CHL1: variants seen among roughly 807,000 people sequenced by gnomAD.
CHL1 encodes the protein neural cell adhesion molecule L1-like protein.
A neutral mutation model predicts 141.9 loss-of-function variants in CHL1; 96 were observed. That is an observed-to-expected ratio of 0.68 (90% CI 0.57 to 0.80). CHL1 has a LOEUF of 0.80. Among genes scored for constraint, CHL1 ranks in the 30% least tolerant of loss-of-function variants. The pLI, the probability that CHL1 is intolerant of heterozygous loss-of-function variation, is 0.00. For synonymous variants in CHL1, 613 were observed against 502.2 expected (o/e 1.22, Z -2.95); for missense variants, 1,820 against 1,457.2 (o/e 1.25, Z -4.05).
At chr3:362,395 A>G (rs1430688575) in intron 13 of CHL1, among the ~76,000 whole-genome samples, 1 of 152,156 alleles carries the variant, frequency 6.6e-6, no homozygotes, top group Non-Finnish European at 1.5e-5. Flanking sequence ...TCATAAATTT[A>G]TAGGGTCAGA....
intron 14 of CHL1, among the ~76,000 whole-genome samples, chr3:364,833 G>T (rs931176439): frequency 6.6e-6 from 1 of 151,932 alleles, no homozygotes; most frequent in Non-Finnish European, 1.5e-5. Context: ...CTGTAAGGTG[G>T]GAGTATTAAT....
At chr3:269,386 G>C (rs954480857) in intron 2 of CHL1, among the ~76,000 whole-genome samples, 1 of 152,142 alleles carries the variant, frequency 6.6e-6, no homozygotes, top group Admixed American at 6.5e-5. Flanking sequence ...ATGAACTTCC[G>C]AATCTGTTTC....
At chr3:234,193 G>GTATATATGTGTGTATA (rs1559310404) in intron 1 of CHL1, among the ~76,000 whole-genome samples, 1 of 144,212 alleles carries the variant, frequency 6.9e-6, no homozygotes, top group Non-Finnish European at 1.5e-5. Context: ...GTGTGTGTGT[G>GTATATATGTGTGTATA]TATATATATA....
chr3:310,597 G>A (rs2124978397), intron 2 of CHL1, among the ~76,000 whole-genome samples: 1 of 152,040 alleles, frequency 6.6e-6, no homozygotes, highest in South Asian at 2.1e-4. Context: ...TTTTAGTGTT[G>A]TTTTAGGTTC....
rs144381564 is a variant in CHL1 at position 391,120 on chromosome 3, C to T, written c.2752C>T (p.Pro918Ser). 5 of 1,613,642 alleles carry T rather than the reference C, an allele frequency of 3.1e-6. No homozygotes were observed. The highest frequency in any genetic ancestry group is 4.5e-5 in the East Asian group (2 of 44,874). The part of the protein sequence containing the change: ...VLAYNSKGAG[P>S]ESEPYIFQTP... The stretch of plus-strand genomic sequence containing the variant: ...AGCCTATAACTCTAAAGGAGCTGGT[C>T]CTGAAAGTGAGCCTTATATATTTCA... The change falls in exon 22 of 28, where the codon CCT becomes TCT. Residue 918 changes from proline to serine, a missense_variant. Coordinates refer to ENST00000256509, the MANE Select transcript of CHL1 (RefSeq NM_006614.4).
At chr3:199,755 T>G (rs1201614249) in intron 1 of CHL1, among the ~76,000 whole-genome samples, 2 of 152,224 alleles carry the variant, frequency 1.3e-5, no homozygotes, top group African/African-American at 2.4e-5. Context: ...CCTGATTTTA[T>G]AGTTGCTTCT....
At chr3:222,034 A>G (rs1700889816) in intron 1 of CHL1, among the ~76,000 whole-genome samples, 1 of 152,216 alleles carries the variant, frequency 6.6e-6, no homozygotes. Context: ...TTTTGTATGA[A>G]CTAAAAAGAA....
intron 5 of CHL1, among the ~76,000 whole-genome samples, chr3:332,751 G>A (rs1054235645): frequency 1.3e-5 from 2 of 152,132 alleles, no homozygotes; most frequent in African/African-American, 2.4e-5. Context: ...TATGAAAATT[G>A]TGGTTGATCA....
chr3:332,725 G>A (rs1701536654), intron 5 of CHL1, among the ~76,000 whole-genome samples: 1 of 152,226 alleles, frequency 6.6e-6, no homozygotes, highest in South Asian at 2.1e-4. Flanking sequence ...ATGAATTCTG[G>A]ATTAGAAAGT....
chr3:313,173 T>C (rs1340160522), intron 2 of CHL1, among the ~76,000 whole-genome samples: 1 of 152,152 alleles, frequency 6.6e-6, no homozygotes, highest in Non-Finnish European at 1.5e-5. Context: ...GCCATAGAAA[T>C]GAAAAAGTTT....
At chr3:305,427 G>A (rs1021883938) in intron 2 of CHL1, among the ~76,000 whole-genome samples, 5 of 151,914 alleles carry the variant, frequency 3.3e-5, no homozygotes, top group South Asian at 2.1e-4. Flanking sequence ...GATTAAGAAC[G>A]CTTGCATTAC....
chr3:340,321 G>C (rs1025066239), intron 5 of CHL1, among the ~76,000 whole-genome samples: 5 of 152,190 alleles, frequency 3.3e-5, no homozygotes, highest in Middle Eastern at 3.4e-3. Flanking sequence ...ATATGGGCTG[G>C]GAAGTTTTTA....
intron 2 of CHL1, among the ~76,000 whole-genome samples, chr3:299,477 T>A (rs1002565777): frequency 2.0e-5 from 3 of 152,156 alleles, no homozygotes; most frequent in Admixed American, 1.3e-4. Context: ...TCAGATGATA[T>A]ATTAGGCCAA....
chr3:324,859 G>C (rs986944030), intron 3 of CHL1, among the ~76,000 whole-genome samples: 1 of 151,746 alleles, frequency 6.6e-6, no homozygotes, highest in Non-Finnish European at 1.5e-5. Context: ...CAAAGTGTTG[G>C]GATTACAGGT....
At chr3:292,684 G>C (rs1280153712) in intron 2 of CHL1, among the ~76,000 whole-genome samples, 2 of 152,170 alleles carry the variant, frequency 1.3e-5, no homozygotes, top group Admixed American at 1.3e-4. Flanking sequence ...TACAACCATG[G>C]CACCGCTCAG....
intron 1 of CHL1, among the ~76,000 whole-genome samples, chr3:242,399 A>G (rs9878435): frequency 0.13 from 17,701 of 140,346 alleles, 1,774 homozygotes; most frequent in African/African-American, 0.27. Context: ...GATCGAGACC[A>G]TCCTGGCTAA....
intron 1 of CHL1, among the ~76,000 whole-genome samples, chr3:204,588 G>C (rs1049455080): frequency 3.9e-5 from 6 of 152,136 alleles, no homozygotes; most frequent in Non-Finnish European, 8.8e-5. Context: ...TGGAAGTTCG[G>C]TTTTTTATTG....
chr3:326,759 G>A (rs535452502), intron 4 of CHL1, among the ~76,000 whole-genome samples: 148 of 151,816 alleles, frequency 9.7e-4, no homozygotes, highest in African/African-American at 3.5e-3. Context: ...AAAATGGAAA[G>A]CAAAGCTACA....
At position 220,642 on chromosome 3, in the gene CHL1, G is replaced by T. The variant is rs545102140; in HGVS notation, c.-175+23579G>T. 2.0e-5 allele frequency among the ~76,000 whole-genome samples: 3 copies of T among 152,204 alleles called. No homozygotes were observed. The South Asian group carries it at 6.2e-4, about 32-fold the overall frequency. ...CATGTAGAATGCTATAATTGCACCT[G>T]TGAGTAGCCACTGCACTCCAGCTTG... On this transcript the variant is annotated intron_variant, in intron 1 of 27. Coordinates refer to ENST00000256509, the MANE Select transcript of CHL1 (RefSeq NM_006614.4).
Sources: allele counts gnomAD v4.1 joint callset (sites outside exome capture counted in the v4.1 genomes callset), GRCh38; gene constraint gnomAD v4.1.1; transcripts MANE v1.5; gene names NCBI Gene and HGNC (gene_info 2026-07-23, HGNC 2026-07-21).